The following EYS variants were observed in gnomAD, a reference collection of about 807,000 sequenced individuals.
EYS encodes the protein protein eyes shut homolog.
Under a neutral mutation model 282.1 loss-of-function variants are expected in EYS, and 250 were observed. That is an observed-to-expected ratio of 0.89 (90% CI 0.80 to 0.98). The LOEUF (loss-of-function observed/expected upper bound fraction) is 0.98. Among genes scored for constraint, EYS ranks in the 50% least tolerant of loss-of-function variants. EYS has a pLI of 0.00. For synonymous variants in EYS, 1,355 were observed against 1,282.9 expected (o/e 1.06, Z -1.20); for missense variants, 4,016 against 3,709.0 (o/e 1.08, Z -2.15).
intron 26 of EYS, among the ~76,000 whole-genome samples, chr6:64,534,098 A>G (rs1764440637): frequency 6.6e-6 from 1 of 151,868 alleles, no homozygotes; most frequent in African/African-American, 2.4e-5. Flanking sequence ...GTAAATGGGC[A>G]TATAAAATTG....
chr6:64,338,413 T>A (rs1770946179), intron 29 of EYS, among the ~76,000 whole-genome samples: 1 of 151,432 alleles, frequency 6.6e-6, no homozygotes, highest in Non-Finnish European at 1.5e-5. Context: ...CTTAGGAATA[T>A]ACCTAACCAA....
chr6:64,958,662 A>G (rs1487476741), intron 14 of EYS, among the ~76,000 whole-genome samples: 4 of 131,350 alleles, frequency 3.0e-5, no homozygotes, highest in Non-Finnish European at 4.8e-5. Context: ...GTGAACCCGG[A>G]AGGCGGAGCT....
At chr6:64,560,012 A>G (rs1021449815) in intron 26 of EYS, among the ~76,000 whole-genome samples, 9 of 152,084 alleles carry the variant, frequency 5.9e-5, no homozygotes, top group African/African-American at 2.2e-4. Flanking sequence ...ACATTCACGT[A>G]CCACTCATAA....
intron 14 of EYS, among the ~76,000 whole-genome samples, chr6:64,954,885 T>C (rs1769639471): frequency 6.6e-6 from 1 of 151,992 alleles, no homozygotes; most frequent in South Asian, 2.1e-4. Context: ...ATCAAAAACA[T>C]AGGCTAGGCA....
chr6:64,739,854 G>A (rs1436406860), intron 22 of EYS, among the ~76,000 whole-genome samples: 1 of 151,952 alleles, frequency 6.6e-6, no homozygotes, highest in Non-Finnish European at 1.5e-5. Flanking sequence ...GTAGGGGCAG[G>A]GGAAATATAA....
chr6:64,995,527 T>C (rs949084415), intron 14 of EYS, among the ~76,000 whole-genome samples: 1 of 152,160 alleles, frequency 6.6e-6, no homozygotes, highest in Non-Finnish European at 1.5e-5. Context: ...TTTAAGCAAT[T>C]TGTGGTCTCC....
chr6:64,143,807 G>GTA (rs1476565866), intron 31 of EYS, among the ~76,000 whole-genome samples: 1 of 152,124 alleles, frequency 6.6e-6, no homozygotes, highest in Non-Finnish European at 1.5e-5. Context: ...TGAGTTTCTG[G>GTA]TATATATATA....
intron 16 of EYS, among the ~76,000 whole-genome samples, chr6:64,902,943 T>C (rs1263964804): frequency 6.6e-6 from 1 of 152,000 alleles, no homozygotes; most frequent in Non-Finnish European, 1.5e-5. Context: ...TCCAAGTGAT[T>C]CAAAGAAAAC....
At chr6:64,254,805 T>C (rs1056801935) in intron 30 of EYS, among the ~76,000 whole-genome samples, 1 of 152,100 alleles carries the variant, frequency 6.6e-6, no homozygotes, top group African/African-American at 2.4e-5. Context: ...TCCTGACTAA[T>C]ACATCTGTCA....
chr6:63,862,709 A>G (rs1210509047), intron 36 of EYS, among the ~76,000 whole-genome samples: 4 of 152,236 alleles, frequency 2.6e-5, no homozygotes, highest in African/African-American at 9.6e-5. Context: ...TTATCTAAAT[A>G]GAATGATTAC....
At chr6:64,885,353 A>C (rs2150062452) in intron 19 of EYS, among the ~76,000 whole-genome samples, 1 of 151,874 alleles carries the variant, frequency 6.6e-6, no homozygotes, top group Middle Eastern at 3.4e-3. Context: ...AAAATAAAGA[A>C]CATGTTAATC....
At chr6:64,183,893 A>C (rs1291212509) in intron 31 of EYS, among the ~76,000 whole-genome samples, 2 of 152,086 alleles carry the variant, frequency 1.3e-5, no homozygotes, top group African/African-American at 4.8e-5. Flanking sequence ...TTTTATGAGA[A>C]AACACTTCTT....
chr6:64,432,307 T>A (rs952239840), intron 28 of EYS, among the ~76,000 whole-genome samples: 6 of 152,126 alleles, frequency 3.9e-5, no homozygotes, highest in African/African-American at 9.6e-5. Flanking sequence ...AGTAATTTTT[T>A]AAAATTAATG....
chr6:65,568,386 G>C (rs1327061936), intron 2 of EYS, among the ~76,000 whole-genome samples: 2 of 150,798 alleles, frequency 1.3e-5, no homozygotes, highest in East Asian at 3.9e-4. Flanking sequence ...CATTTTAAAG[G>C]CTTCTGTGTA....
intron 8 of EYS, among the ~76,000 whole-genome samples, chr6:65,361,809 T>G (rs1764719806): frequency 6.6e-6 from 1 of 152,118 alleles, no homozygotes; most frequent in South Asian, 2.1e-4. Context: ...CTACAGTGAT[T>G]CATTATCTAA....
intron 12 of EYS, among the ~76,000 whole-genome samples, chr6:65,229,855 T>A (rs535000552): frequency 6.6e-6 from 1 of 152,088 alleles, no homozygotes; most frequent in African/African-American, 2.4e-5. Flanking sequence ...TCTCCTTTAT[T>A]GTGAGGTAAT....
intron 14 of EYS, among the ~76,000 whole-genome samples, 174 bp from the exon 15 acceptor site, chr6:64,946,088 A>G (rs908528315): frequency 6.6e-6 from 1 of 152,080 alleles, no homozygotes; most frequent in Admixed American, 6.6e-5. Flanking sequence ...GCGTGTGAAC[A>G]GTATTCTTTA....
At chr6:65,108,190 C>T (rs1033810021) in intron 12 of EYS, among the ~76,000 whole-genome samples, 2 of 118,444 alleles carry the variant, frequency 1.7e-5, no homozygotes, top group Non-Finnish European at 3.7e-5. Context: ...AATGCAGGTC[C>T]GTTTAGAGAT....
intron 22 of EYS, among the ~76,000 whole-genome samples, chr6:64,751,054 C>T (rs1201052028): frequency 6.6e-6 from 1 of 152,010 alleles, no homozygotes; most frequent in Non-Finnish European, 1.5e-5. Flanking sequence ...GATGCAGTGG[C>T]AGTTTTCATG....
Sources: allele counts gnomAD v4.1 joint callset (sites outside exome capture counted in the v4.1 genomes callset), GRCh38; gene constraint gnomAD v4.1.1; transcripts MANE v1.5; gene names NCBI Gene and HGNC (gene_info 2026-07-23, HGNC 2026-07-21).